Variants in FAM227B observed in about 807,000 individuals in gnomAD.
FAM227B encodes the protein protein FAM227B.
A neutral mutation model predicts 73.8 loss-of-function variants in FAM227B; 88 were observed. The ratio of observed to expected loss-of-function variants is 1.19; its 90% CI spans 1.00 to 1.42. FAM227B has a LOEUF of 1.42. Ranked by LOEUF, FAM227B falls within the 40% of genes most tolerant of loss-of-function variation. FAM227B has a pLI of 0.00. For synonymous variants in FAM227B, 210 were observed against 190.5 expected, an observed-to-expected ratio of 1.10 and a Z score of -0.84; for missense variants, 632 against 590.9, an observed-to-expected ratio of 1.07 and a Z score of -0.72.
intron 2 of FAM227B, among the ~76,000 whole-genome samples, chr15:49,611,602 A>T (rs2077922878): frequency 6.6e-6 from 1 of 152,208 alleles, no homozygotes; most frequent in Non-Finnish European, 1.5e-5. Flanking sequence ...AGCCTCTATA[A>T]TAAATCCAGA....
At chr15:49,395,644 G>A (rs2047527219) in intron 11 of FAM227B, among the ~76,000 whole-genome samples, 1 of 152,184 alleles carries the variant, frequency 6.6e-6, no homozygotes. Context: ...TTTACCACAG[G>A]ATATTTGCTG....
At chr15:49,552,478 C>T (rs1380717005) in intron 9 of FAM227B, among the ~76,000 whole-genome samples, 2 of 152,118 alleles carry the variant, frequency 1.3e-5, no homozygotes, top group Non-Finnish European at 2.9e-5. Context: ...GTTAAACCTG[C>T]TTAGTGTTCT....
At chr15:49,501,132 T>C (rs577324735) in intron 11 of FAM227B, among the ~76,000 whole-genome samples, 2 of 152,246 alleles carry the variant, frequency 1.3e-5, no homozygotes, top group Non-Finnish European at 2.9e-5. Flanking sequence ...AGAAAGTTGG[T>C]ACCAGGAGTA....
intron 4 of FAM227B, among the ~76,000 whole-genome samples, chr15:49,588,312 T>C (rs1327515884): frequency 6.6e-6 from 1 of 151,348 alleles, no homozygotes; most frequent in Non-Finnish European, 1.5e-5. Flanking sequence ...ATGTTCCAAC[T>C]AACATGTCTG....
intron 9 of FAM227B, among the ~76,000 whole-genome samples, chr15:49,557,192 G>A (rs2073793746): frequency 6.6e-6 from 1 of 152,128 alleles, no homozygotes; most frequent in South Asian, 2.1e-4. Flanking sequence ...CCTTCTGGCT[G>A]CATCTAGTCA....
chr15:49,591,053 T>G (rs1384241380), intron 3 of FAM227B, among the ~76,000 whole-genome samples: 3 of 139,562 alleles, frequency 2.1e-5, no homozygotes, highest in Admixed American at 2.1e-4. Context: ...TGATTTTTTT[T>G]TTTTTTTTTT....
intron 9 of FAM227B, among the ~76,000 whole-genome samples, chr15:49,559,488 C>A (rs1801259068): frequency 6.6e-6 from 1 of 152,160 alleles, no homozygotes; most frequent in South Asian, 2.1e-4. Context: ...GCACCACTGA[C>A]CAACTTCTAG....
chr15:49,406,275 C>A (rs1014000335), intron 11 of FAM227B, among the ~76,000 whole-genome samples: 3 of 152,024 alleles, frequency 2.0e-5, no homozygotes, highest in African/African-American at 7.3e-5. Context: ...GGTGCACACT[C>A]GTTGGCTGAA....
intron 10 of FAM227B, among the ~76,000 whole-genome samples, chr15:49,515,515 A>G (rs1000978383): frequency 1.3e-5 from 2 of 151,958 alleles, no homozygotes; most frequent in African/African-American, 2.4e-5. Context: ...GCTTTTTTGC[A>G]TACCTTATAA....
intron 1 of FAM227B, among the ~76,000 whole-genome samples, chr15:49,617,586 C>G (rs2078370231): frequency 6.6e-6 from 1 of 151,958 alleles, no homozygotes; most frequent in Admixed American, 6.6e-5. Context: ...ATAAACAGAG[C>G]ATCAATTAAA....
At position 49,417,809 on chromosome 15, in the gene FAM227B, A is replaced by C. The variant is rs371778863; in HGVS notation, c.1013-46410T>G. On this transcript the variant is annotated intron_variant, in intron 11 of 15. Coordinates refer to ENST00000299338, the MANE Select transcript of FAM227B (RefSeq NM_152647.3). The stretch of plus-strand genomic sequence containing the variant: ...CCAAAAGCAATTGCAACAAAAGCAA[A>C]AATTGACAAATGGGATCTAATTAAG... Among the ~76,000 whole-genome samples, 20 of 152,234 alleles carry C rather than the reference A, an allele frequency of 1.3e-4. No individual in the cohort carries two copies. In the East Asian group the frequency reaches 1.3e-3, roughly 10 times the overall value.
intron 3 of FAM227B, among the ~76,000 whole-genome samples, chr15:49,610,313 G>C (rs1236409076): frequency 6.7e-6 from 1 of 149,724 alleles, no homozygotes; most frequent in Non-Finnish European, 1.5e-5. Context: ...CAAAAAGTTT[G>C]TTCCAAAAGT....
At chr15:49,489,641 T>C (rs1206446295) in intron 11 of FAM227B, among the ~76,000 whole-genome samples, 1 of 150,422 alleles carries the variant, frequency 6.6e-6, no homozygotes. Flanking sequence ...TTCTAGATGC[T>C]GAAGGCAATC....
intron 11 of FAM227B, among the ~76,000 whole-genome samples, chr15:49,452,099 T>C (rs994122862): frequency 1.3e-5 from 2 of 152,072 alleles, no homozygotes; most frequent in African/African-American, 4.8e-5. Context: ...TGGAGTGCAA[T>C]GGCATGGTCT....
intron 11 of FAM227B, among the ~76,000 whole-genome samples, chr15:49,451,234 A>T (rs1307926215): frequency 6.6e-6 from 1 of 152,142 alleles, no homozygotes; most frequent in East Asian, 1.9e-4. Context: ...GAGCTTGCCA[A>T]TTTCTACAGA....
chr15:49,449,968 T>C (rs1046576834), intron 11 of FAM227B, among the ~76,000 whole-genome samples: 3 of 152,124 alleles, frequency 2.0e-5, no homozygotes, highest in Non-Finnish European at 2.9e-5. Flanking sequence ...GAAAATGTCA[T>C]GCTCAATCAC....
intron 9 of FAM227B, among the ~76,000 whole-genome samples, 170 bp downstream of exon 9, chr15:49,568,075 T>G (rs2074798896): frequency 6.6e-6 from 1 of 152,066 alleles, no homozygotes; most frequent in East Asian, 1.9e-4. Flanking sequence ...AATACAATAT[T>G]TTGAGGGGTT....
At chr15:49,607,002 G>A (rs1418409886) in intron 3 of FAM227B, among the ~76,000 whole-genome samples, 2 of 152,180 alleles carry the variant, frequency 1.3e-5, no homozygotes, top group East Asian at 1.9e-4. Flanking sequence ...GACTTGTGTA[G>A]GATGAAACTC....
chr15:49,458,595 T>G (rs764904331), intron 11 of FAM227B, among the ~76,000 whole-genome samples: 5 of 152,124 alleles, frequency 3.3e-5, no homozygotes, highest in Non-Finnish European at 7.4e-5. Context: ...GCCAAGCTCT[T>G]GTCTTTATAG....
Sources: allele counts gnomAD v4.1 joint callset (sites outside exome capture counted in the v4.1 genomes callset), GRCh38; gene constraint gnomAD v4.1.1; transcripts MANE v1.5; gene names NCBI Gene and HGNC (gene_info 2026-07-23, HGNC 2026-07-21).